TMEM255B: variants seen among roughly 807,000 people sequenced by gnomAD.
TMEM255B encodes transmembrane protein 255B, also known as family with sequence similarity 70, member B.
TMEM255B carries 35 observed loss-of-function variants against 34.5 expected under a neutral mutation model. The observed-to-expected ratio is 1.01, with a 90% CI of 0.77 to 1.34. The LOEUF (loss-of-function observed/expected upper bound fraction) is 1.34. Ranked by LOEUF, TMEM255B falls within the 40% of genes most tolerant of loss-of-function variation. The probability of loss-of-function intolerance (pLI) is 0.00; values close to 1 mark genes in which losing one functional copy is unlikely to be tolerated. For synonymous variants in TMEM255B, 206 were observed against 201.2 expected (o/e 1.02, Z -0.20); for missense variants, 432 against 433.2 (o/e 1.00, Z 0.02).
At position 113,813,139 on chromosome 13, in the gene TMEM255B, A is replaced by G. The variant is rs1314355776; in HGVS notation, c.*1236A>G. 7.0e-6 allele frequency: 1 copy of G among 141,850 alleles called. No homozygotes were observed. Among genetic ancestry groups the G allele is most frequent in the Admixed American group, 7.3e-5 (1 of 13,704 alleles). The allele number at this position is 141,850 out of a possible 1,614,324, so 8.8% of individuals were successfully genotyped here. Reference sequence around the variant, plus strand: ...GCTTTCTCTGAACTCCTGAAGTCAGATCCTCAGGGAACCAGGGACTCCCAG... The same window carrying G: ...GCTTTCTCTGAACTCCTGAAGTCAGGTCCTCAGGGAACCAGGGACTCCCAG... On this transcript the variant is annotated 3_prime_UTR_variant, in exon 9 of 9. Transcript: ENST00000375353.
At chr13:113,808,347 G>C (rs1046584373) in intron 8 of TMEM255B, among the ~76,000 whole-genome samples, 6 of 152,184 alleles carry the variant, frequency 3.9e-5, no homozygotes, top group Non-Finnish European at 8.8e-5. Flanking sequence ...AGCAGAAGAT[G>C]AGTTCCTGCC....
chr13:113,803,810 C>T (rs1445822219), intron 7 of TMEM255B, among the ~76,000 whole-genome samples: 1 of 152,172 alleles, frequency 6.6e-6, no homozygotes, highest in Non-Finnish European at 1.5e-5. Context: ...TTCCAGTGCC[C>T]GCTGGGCAGG....
In TMEM255B at chr13:113,794,998, A is replaced by G. The variant is rs929950617; in HGVS notation, c.253-150A>G. ...CCGCAGGGTGGAGTCCGGCCTGGCC[A>G]GGGCTGGAAGTCATAGGACGAAAGG... On this transcript the variant is annotated intron_variant, in intron 3 of 8. Coordinates refer to ENST00000375353, the MANE Select transcript of TMEM255B (RefSeq NM_182614.4). 7.2e-6 allele frequency: 5 copies of G among 696,642 alleles called. No homozygotes were observed. The African/African-American group carries it at 8.8e-5, about 12-fold the overall frequency. The allele number at this position is 696,642 out of a possible 1,614,324, so 43.2% of individuals were successfully genotyped here.
chr13:113,766,098 C>T lies in TMEM255B; in HGVS notation c.47-17C>T, dbSNP rs145492151. 705 of 1,613,630 alleles carry T rather than the reference C, an allele frequency of 4.4e-4. 3 individuals carry two copies. In the East Asian group the frequency reaches 9.4e-3, roughly 22 times the overall value. ...GCCTGAGCCCTCACTGACAGGTCCT[C>T]GCCTTCCTCCCCACAGAAGGGCTTT... On this transcript the variant is annotated splice_polypyrimidine_tract_variant and intron_variant, in intron 1 of 8. Coordinates refer to ENST00000375353, the MANE Select transcript of TMEM255B (RefSeq NM_182614.4).
At chr13:113,799,251 C>T (rs2050997245) in intron 4 of TMEM255B, 88 bp from the exon 5 acceptor site, 4 of 1,314,070 alleles carry the variant, frequency 3.0e-6, no homozygotes, top group Admixed American at 3.9e-5. Context: ...AGGCCCTGAG[C>T]CTGAGACCCA....
In TMEM255B at chr13:113,761,090, A is replaced by G. The variant is rs556857330; in HGVS notation, c.46+1775A>G. Reference sequence around the variant, plus strand: ...TGTGTAAAATCAGGACGAAAGAGGAATTGACGGCTGAGTGATTACAGTTTT... The same window carrying G: ...TGTGTAAAATCAGGACGAAAGAGGAGTTGACGGCTGAGTGATTACAGTTTT... On this transcript the variant is annotated intron_variant, in intron 1 of 8. Coordinates refer to ENST00000375353, the MANE Select transcript of TMEM255B (RefSeq NM_182614.4). 4.4e-4 allele frequency: 325 copies of G among 737,984 alleles called. 1 individual carries two copies. The African/African-American group carries it at 5.8e-3, about 13-fold the overall frequency. The allele number at this position is 737,984 out of a possible 1,614,324, so 45.7% of individuals were successfully genotyped here. A position where few individuals can be genotyped will look rare whatever the true frequency, so the allele number is the denominator to read the frequency against.
At chr13:113,786,530 GTCA>G (rs1038701981) in intron 3 of TMEM255B, among the ~76,000 whole-genome samples, 6 of 53,822 alleles carry the variant, frequency 1.1e-4, no homozygotes, top group Admixed American at 2.3e-4. Context: ...TGTCACCACT[GTCA>G]TCACCATTGT....
At chr13:113,807,769 C>T (rs899690208) in intron 8 of TMEM255B, among the ~76,000 whole-genome samples, 7 of 121,918 alleles carry the variant, frequency 5.7e-5, no homozygotes, top group Non-Finnish European at 1.2e-4. Context: ...CCGTCACACG[C>T]AGGCTTACGG....
At chr13:113,807,517 G>A (rs1315887426) in intron 8 of TMEM255B, among the ~76,000 whole-genome samples, 13 of 128,284 alleles carry the variant, frequency 1.0e-4, no homozygotes, top group Non-Finnish European at 1.9e-4. Flanking sequence ...GGTCCTCCCT[G>A]TCACACGCAG....
chr13:113,809,535 G>C (rs1003646364), intron 8 of TMEM255B, among the ~76,000 whole-genome samples: 5 of 93,374 alleles, frequency 5.4e-5, no homozygotes, highest in Non-Finnish European at 2.1e-5. Flanking sequence ...CATGGTTCCC[G>C]GGGGTTTAAC....
chr13:113,810,996 T>C (rs11259842), intron 8 of TMEM255B, among the ~76,000 whole-genome samples: 77,219 of 151,786 alleles, frequency 0.51, 21,342 homozygotes, highest in East Asian at 0.72. Context: ...TGTGAGGAAG[T>C]GGGATGTGGT....
chr13:113,765,533 A>G (rs1180183787), intron 1 of TMEM255B, among the ~76,000 whole-genome samples: 1 of 151,666 alleles, frequency 6.6e-6, no homozygotes, highest in Non-Finnish European at 1.5e-5. Context: ...TGGAGTAGGA[A>G]GACCTTACCA....
At chr13:113,760,147 A>T (rs978594584) in intron 1 of TMEM255B, among the ~76,000 whole-genome samples, 1 of 152,220 alleles carries the variant, frequency 6.6e-6, no homozygotes, top group African/African-American at 2.4e-5. Context: ...TCCCTCAGAA[A>T]TAATCCAACA....
Position 113,807,939 on chromosome 13 carries a change from C to G in TMEM255B, c.813+2911C>G, listed in dbSNP as rs142259962. Among the ~76,000 whole-genome samples the G allele has an allele frequency of 3.1e-3, 469 of 152,250 alleles. 4 individuals are homozygous for G. The highest frequency in any genetic ancestry group is 0.011 in the African/African-American group (453 of 41,524). ...CATCCACCCTGGGGCTCTGGGTTTA[C>G]GCAAAGGGTGGATGTTCCCCTCTTC... On this transcript the variant is annotated intron_variant, in intron 8 of 8. Coordinates refer to ENST00000375353, the MANE Select transcript of TMEM255B (RefSeq NM_182614.4).
At chr13:113,796,243 G>C (rs530981989) in intron 4 of TMEM255B, among the ~76,000 whole-genome samples, 2 of 135,160 alleles carry the variant, frequency 1.5e-5, no homozygotes, top group Non-Finnish European at 3.1e-5. Flanking sequence ...AGAGCACATA[G>C]CACACACCAC....
rs1214242495 is a variant in TMEM255B at position 113,808,772 on chromosome 13, C to T, written c.814-2964C>T. 3.2e-4 allele frequency among the ~76,000 whole-genome samples: 24 copies of T among 74,964 alleles called. 1 individual carries two copies. In the Admixed American group the frequency reaches 4.0e-3, roughly 12 times the overall value. The allele number at this position is 74,964 out of a possible 152,430, so 49.2% of individuals were successfully genotyped here. The stretch of plus-strand genomic sequence containing the variant: ...TGGGGTTTAACTCTGTGGTTTCTGG[C>T]GGTGTAACTCTGTGGTTCCTGGGGG... On this transcript the variant is annotated intron_variant, in intron 8 of 8. Transcript: ENST00000375353.
rs2051406520 is a variant in TMEM255B at position 113,816,757 on chromosome 13, C to G, written c.*4854C>G. The G allele has an allele frequency of 6.6e-6, 1 of 152,192 alleles. No homozygotes were observed. Among genetic ancestry groups the G allele is most frequent in the Non-Finnish European group, 1.5e-5 (1 of 68,048 alleles). 9.4% of individuals were successfully genotyped at this position (152,192 alleles called of 1,614,324 possible). The stretch of plus-strand genomic sequence containing the variant: ...CACGCGCCACTTCCTTTTCTGTTTC[C>G]TAGACCTTTTAACTGATGGAATTCA... On this transcript the variant is annotated 3_prime_UTR_variant, in exon 9 of 9. Transcript: ENST00000375353.
At chr13:113,778,820 C>T (rs1312931161) in intron 3 of TMEM255B, among the ~76,000 whole-genome samples, 1 of 152,222 alleles carries the variant, frequency 6.6e-6, no homozygotes, top group Non-Finnish European at 1.5e-5. Context: ...TGGGCAGGGC[C>T]TCCACTGACC....
chr13:113,788,722 T>C (rs1049015364), intron 3 of TMEM255B, among the ~76,000 whole-genome samples: 8 of 152,092 alleles, frequency 5.3e-5, no homozygotes, highest in African/African-American at 1.7e-4. Context: ...CGTTTGTCTC[T>C]GCACACTCGA....
Sources: allele counts gnomAD v4.1 joint callset (sites outside exome capture counted in the v4.1 genomes callset), GRCh38; gene constraint gnomAD v4.1.1; transcripts MANE v1.5; gene names NCBI Gene and HGNC (gene_info 2026-07-23, HGNC 2026-07-21).